Variants in ARPP21 observed in about 807,000 individuals in gnomAD.
ARPP21 encodes the protein cAMP regulated phosphoprotein 21, also known as cAMP-regulated phosphoprotein 21.
Under a neutral mutation model 113.2 loss-of-function variants are expected in ARPP21, and 69 were observed. The ratio of observed to expected loss-of-function variants is 0.61; its 90% CI spans 0.50 to 0.74. The LOEUF (loss-of-function observed/expected upper bound fraction) is 0.74, where lower values mean the gene tolerates loss of function less well. ARPP21 is among the 30% of genes least tolerant of loss of function. The pLI, the probability that ARPP21 is intolerant of heterozygous loss-of-function variation, is 0.00. For missense variants in ARPP21, 1,070 were observed against 1,037.4 expected, an observed-to-expected ratio of 1.03 and a Z score of -0.43; for synonymous variants, 368 against 375.5, an observed-to-expected ratio of 0.98 and a Z score of 0.23.
chr3:35,720,764 T>C (rs1233363689), intron 13 of ARPP21, among the ~76,000 whole-genome samples: 2 of 152,222 alleles, frequency 1.3e-5, no homozygotes, highest in African/African-American at 4.8e-5. Context: ...TTCTTAGAGA[T>C]ACTCTACAGT....
intron 1 of ARPP21, among the ~76,000 whole-genome samples, chr3:35,674,440 A>G (rs1255918910): frequency 2.0e-5 from 3 of 151,948 alleles, no homozygotes; most frequent in African/African-American, 2.4e-5. Context: ...TTTTGCTTGA[A>G]GATTAAGGAG....
intron 18 of ARPP21, among the ~76,000 whole-genome samples, chr3:35,739,884 G>C (rs1002945743): frequency 6.6e-6 from 1 of 152,170 alleles, no homozygotes; most frequent in South Asian, 2.1e-4. Context: ...TCCAGCTCAG[G>C]GGATTGCCTA....
intron 11 of ARPP21, among the ~76,000 whole-genome samples, chr3:35,710,141 A>G (rs1467516211): frequency 6.6e-6 from 1 of 152,062 alleles, no homozygotes; most frequent in Non-Finnish European, 1.5e-5. Flanking sequence ...CCTTTCTTGA[A>G]CACACTGAAA....
chr3:35,706,870 A>T (rs1454718313), intron 9 of ARPP21, 104 bp from the exon 10 acceptor site: 1 of 810,368 alleles, frequency 1.2e-6, no homozygotes, highest in Admixed American at 2.6e-5. Context: ...AACCACTTGT[A>T]AACTTTTAAG....
intron 9 of ARPP21, among the ~76,000 whole-genome samples, chr3:35,698,054 C>T (rs947298521): frequency 6.6e-6 from 1 of 151,570 alleles, no homozygotes; most frequent in African/African-American, 2.4e-5. Context: ...CAGTGAAAAT[C>T]ATCTGACTAG....
intron 11 of ARPP21, among the ~76,000 whole-genome samples, chr3:35,709,813 T>G (rs1429509847): frequency 1.3e-5 from 2 of 152,218 alleles, no homozygotes; most frequent in African/African-American, 2.4e-5. Context: ...ATGTGGGTTC[T>G]TCCCCCTGCG....
intron 5 of ARPP21, chr3:35,684,191 C>T: frequency 7.5e-7 from 1 of 1,339,988 alleles, no homozygotes; most frequent in East Asian, 2.7e-5. Flanking sequence ...TGTCTTACCT[C>T]TCAGCTCCCC....
chr3:35,775,034 A>G (rs560166037), intron 19 of ARPP21: 1 of 152,254 alleles, frequency 6.6e-6, no homozygotes, highest in East Asian at 1.9e-4. Context: ...AAAATATGTC[A>G]ATTTAAATAA....
At chr3:35,676,701 A>T (rs1335713986) in intron 1 of ARPP21, among the ~76,000 whole-genome samples, 1 of 151,908 alleles carries the variant, frequency 6.6e-6, no homozygotes, top group Non-Finnish European at 1.5e-5. Context: ...CCTTGGGAAA[A>T]TTTCAGACTT....
intron 1 of ARPP21, among the ~76,000 whole-genome samples, chr3:35,667,948 A>AAG (rs2075035163): frequency 5.2e-5 from 3 of 58,038 alleles, no homozygotes; most frequent in African/African-American, 2.0e-4. Context: ...GAGAAGAAGA[A>AAG]AAGAAGAAGA....
chr3:35,685,115 C>T (rs919709256), intron 5 of ARPP21: 11 of 985,336 alleles, frequency 1.1e-5, no homozygotes, highest in Admixed American at 6.2e-5. Flanking sequence ...TCCCCCACTC[C>T]TAATGCCAGG....
intron 13 of ARPP21, 57 bp from the exon 14 acceptor site, chr3:35,721,548 C>T: frequency 3.0e-6 from 3 of 993,060 alleles, no homozygotes; most frequent in Non-Finnish European, 3.2e-6. Context: ...TGCCTACCAA[C>T]ACCATGCATG....
intron 19 of ARPP21, among the ~76,000 whole-genome samples, chr3:35,783,418 T>C (rs1354097034): frequency 6.6e-6 from 1 of 152,080 alleles, no homozygotes; most frequent in Non-Finnish European, 1.5e-5. Flanking sequence ...TTTATTCTTG[T>C]GTTTTTTTTT....
In ARPP21 at chr3:35,750,826, T is replaced by TA. The variant is rs575539089; in HGVS notation, c.2137+6869dup. Among the ~76,000 whole-genome samples, 1,045 of 152,084 alleles carry TA rather than the reference T, an allele frequency of 6.9e-3. 14 individuals carry two copies. The highest frequency in any genetic ancestry group is 0.023 in the African/African-American group (970 of 41,502). On this transcript the variant is annotated intron_variant, in intron 19 of 20. Transcript: ENST00000684406. ...ATTGAATAAGAAATGTTTTATCACC[T>TA]AAAAAAAAGTTAACATTTCATAAAA...
At chr3:35,717,503 G>A (rs998808106) in intron 13 of ARPP21, 146 bp downstream of exon 13, 54 of 576,214 alleles carry the variant, frequency 9.4e-5, no homozygotes, top group East Asian at 7.0e-4. Flanking sequence ...AATAGCTAGC[G>A]TGGAAGTCAT....
intron 19 of ARPP21, among the ~76,000 whole-genome samples, chr3:35,755,607 G>C (rs991434348): frequency 2.0e-5 from 3 of 151,964 alleles, no homozygotes; most frequent in Admixed American, 1.3e-4. Context: ...GAATTTCTGG[G>C]ATTTTCTCCT....
intron 15 of ARPP21, 125 bp downstream of exon 15, chr3:35,729,661 G>C (rs1258991799): frequency 2.6e-6 from 2 of 761,372 alleles, no homozygotes; most frequent in Admixed American, 2.6e-5. Context: ...TGCATGAACT[G>C]TTATGAAGCA....
At chr3:35,677,028 T>A (rs2077669958) in intron 1 of ARPP21, among the ~76,000 whole-genome samples, 1 of 151,912 alleles carries the variant, frequency 6.6e-6, no homozygotes, top group Non-Finnish European at 1.5e-5. Context: ...TCAATTTCAA[T>A]AAGTAAATCT....
intron 19 of ARPP21, among the ~76,000 whole-genome samples, chr3:35,749,431 CAAA>C (rs61007987): frequency 8.8e-4 from 89 of 100,746 alleles, no homozygotes; most frequent in Middle Eastern, 7.1e-3. Flanking sequence ...TTCCTAAAAG[CAAA>C]AAAAAAAAAA....
Sources: allele counts gnomAD v4.1 joint callset (sites outside exome capture counted in the v4.1 genomes callset), GRCh38; gene constraint gnomAD v4.1.1; transcripts MANE v1.5; gene names NCBI Gene and HGNC (gene_info 2026-07-23, HGNC 2026-07-21).